The following KCND3 variants were observed in gnomAD, a reference collection of about 807,000 sequenced individuals.
KCND3 encodes the protein A-type voltage-gated potassium channel KCND3.
A neutral mutation model predicts 51.1 loss-of-function variants in KCND3; 9 were observed. The observed-to-expected ratio is 0.18, with a 90% CI of 0.11 to 0.31. The LOEUF (loss-of-function observed/expected upper bound fraction) is 0.31. Ranked by LOEUF, KCND3 falls within the 10% of genes least tolerant of loss-of-function variation. The pLI is 1.00. For missense variants in KCND3, 526 were observed against 903.8 expected (o/e 0.58, Z 5.36); for synonymous variants, 349 against 368.0 (o/e 0.95, Z 0.59).
At chr1:111,838,679 A>AAACAACAAC (rs376997509) in intron 2 of KCND3, among the ~76,000 whole-genome samples, 4 of 151,956 alleles carry the variant, frequency 2.6e-5, no homozygotes, top group Middle Eastern at 6.8e-3. Flanking sequence ...ACAAAAGCAA[A>AAACAACAAC]AACAACAACA....
chr1:111,934,355 A>G (rs1485638043), intron 2 of KCND3, among the ~76,000 whole-genome samples: 2 of 152,236 alleles, frequency 1.3e-5, no homozygotes, highest in Non-Finnish European at 1.5e-5. Context: ...GCTCAGCCCA[A>G]GCAGTTTTCA....
At chr1:111,915,126 T>C in intron 2 of KCND3, among the ~76,000 whole-genome samples, 1 of 152,120 alleles carries the variant, frequency 6.6e-6, no homozygotes, top group East Asian at 1.9e-4. Flanking sequence ...TACATATGGA[T>C]AATAAGCCAG....
intron 2 of KCND3, among the ~76,000 whole-genome samples, chr1:111,814,739 T>C (rs888072649): frequency 6.6e-5 from 10 of 152,268 alleles, no homozygotes; most frequent in African/African-American, 2.4e-4. Flanking sequence ...ATAAGTTCCC[T>C]GTTTCTTCAG....
chr1:111,941,307 G>C (rs979503936), intron 2 of KCND3, among the ~76,000 whole-genome samples: 1 of 152,060 alleles, frequency 6.6e-6, no homozygotes, highest in Admixed American at 6.6e-5. Context: ...CCTTCTGCTG[G>C]TGGGACCCCC....
chr1:111,818,445 G>A (rs1296752335), intron 2 of KCND3, among the ~76,000 whole-genome samples: 1 of 152,248 alleles, frequency 6.6e-6, no homozygotes, highest in African/African-American at 2.4e-5. Context: ...AAAAGGCCAA[G>A]GGGAGGCCAG....
chr1:111,959,807 GC>G lies in KCND3; in HGVS notation c.1106+21813del, dbSNP rs561482877. On this transcript the variant is annotated intron_variant, in intron 2 of 7. Transcript: ENST00000302127. The stretch of plus-strand genomic sequence containing the variant: ...TAGTTCACAGTGAAATGGTCTCACA[GC>G]CTGATATGGTTTGGCCGTGTCCCCA... Among the ~76,000 whole-genome samples the G allele has an allele frequency of 1.2e-3, 188 of 152,246 alleles. 1 individual carries two copies. The highest frequency in any genetic ancestry group is 3.4e-3 in the Admixed American group (52 of 15,298).
intron 2 of KCND3, among the ~76,000 whole-genome samples, chr1:111,879,173 C>T (rs1172648785): frequency 4.6e-5 from 7 of 152,296 alleles, no homozygotes; most frequent in South Asian, 2.1e-4. Context: ...GGGACTACTC[C>T]GCCTCCATCA....
intron 2 of KCND3, among the ~76,000 whole-genome samples, chr1:111,799,399 T>C (rs1167479153): frequency 1.3e-5 from 2 of 152,168 alleles, no homozygotes; most frequent in Non-Finnish European, 2.9e-5. Flanking sequence ...ACAATGCAGA[T>C]GTGAAAAAGA....
At chr1:111,898,416 C>T (rs567823495) in intron 2 of KCND3, among the ~76,000 whole-genome samples, 16 of 152,266 alleles carry the variant, frequency 1.1e-4, no homozygotes, top group Non-Finnish European at 5.9e-5. Context: ...CTCAAAAAGA[C>T]CTTATCATTC....
At chr1:111,941,433 A>C (rs1401734007) in intron 2 of KCND3, among the ~76,000 whole-genome samples, 1 of 152,192 alleles carries the variant, frequency 6.6e-6, no homozygotes, top group African/African-American at 2.4e-5. Flanking sequence ...CCAGCTCCCC[A>C]GAGCTGGGGG....
intron 2 of KCND3, among the ~76,000 whole-genome samples, chr1:111,792,502 G>C (rs1664879590): frequency 6.6e-6 from 1 of 152,192 alleles, no homozygotes; most frequent in South Asian, 2.1e-4. Flanking sequence ...AGGAGTCAGC[G>C]GGAGCTTAGC....
intron 2 of KCND3, among the ~76,000 whole-genome samples, chr1:111,980,630 G>A (rs1674898863): frequency 6.6e-6 from 1 of 152,126 alleles, no homozygotes. Flanking sequence ...AATTGTGGAG[G>A]GATTTTGCAT....
intron 2 of KCND3, among the ~76,000 whole-genome samples, chr1:111,927,672 A>T (rs1429602079): frequency 6.6e-6 from 1 of 152,174 alleles, no homozygotes; most frequent in Non-Finnish European, 1.5e-5. Context: ...CCATTCATCC[A>T]ACAAGCATTC....
At chr1:111,824,951 C>T (rs1195934513) in intron 2 of KCND3, among the ~76,000 whole-genome samples, 1 of 152,196 alleles carries the variant, frequency 6.6e-6, no homozygotes, top group African/African-American at 2.4e-5. Flanking sequence ...CCTGGCAGCA[C>T]TTGTTGTCTC....
At chr1:111,852,209 T>A (rs1229391608) in intron 2 of KCND3, among the ~76,000 whole-genome samples, 1 of 152,182 alleles carries the variant, frequency 6.6e-6, no homozygotes, top group Non-Finnish European at 1.5e-5. Context: ...AAAGTCTGAG[T>A]GGTCAGTGGT....
rs499817 is a variant in KCND3 at position 111,772,200 on chromosome 1, A to G, written c.*3877T>C. 0.23 allele frequency: 34,759 copies of G among 152,062 alleles called. 6,350 individuals are homozygous for G. The highest frequency in any genetic ancestry group is 0.51 in the African/African-American group (21,030 of 41,418). The allele number at this position is 152,062 out of a possible 1,614,324, so 9.4% of individuals were successfully genotyped here. A position where few individuals can be genotyped will look rare whatever the true frequency, so the allele number is the denominator to read the frequency against. On this transcript the variant is annotated 3_prime_UTR_variant, in exon 8 of 8. Coordinates refer to ENST00000302127, the MANE Select transcript of KCND3 (RefSeq NM_001378969.1). Reference sequence around the variant, plus strand: ...TACTACCATCACAGACTGTCATAAGAACCACAAGGAGTATAAAAGGTATGC... The same window carrying G: ...TACTACCATCACAGACTGTCATAAGGACCACAAGGAGTATAAAAGGTATGC...
intron 2 of KCND3, among the ~76,000 whole-genome samples, chr1:111,876,520 C>G (rs958301228): frequency 1.3e-5 from 2 of 152,198 alleles, no homozygotes; most frequent in African/African-American, 4.8e-5. Context: ...GGCTGCCTAC[C>G]CTGACTTCAG....
chr1:111,804,111 T>G (rs1025467594), intron 2 of KCND3, among the ~76,000 whole-genome samples: 1 of 152,212 alleles, frequency 6.6e-6, no homozygotes, highest in Non-Finnish European at 1.5e-5. Flanking sequence ...ACATGCCTCA[T>G]GTCCTTGGCA....
chr1:111,866,990 A>C (rs888035511), intron 2 of KCND3, among the ~76,000 whole-genome samples: 2 of 152,134 alleles, frequency 1.3e-5, no homozygotes, highest in African/African-American at 4.8e-5. Flanking sequence ...TAGGCTAATA[A>C]AAATATTTTT....
Sources: allele counts gnomAD v4.1 joint callset (sites outside exome capture counted in the v4.1 genomes callset), GRCh38; gene constraint gnomAD v4.1.1; transcripts MANE v1.5; gene names NCBI Gene and HGNC (gene_info 2026-07-23, HGNC 2026-07-21).